Variants in PLEKHA7 observed in about 807,000 individuals in gnomAD.
PLEKHA7 encodes pleckstrin homology domain containing A7.
A neutral mutation model predicts 170.0 loss-of-function variants in PLEKHA7; 104 were observed. The ratio of observed to expected loss-of-function variants is 0.61; its 90% CI spans 0.52 to 0.72. The LOEUF is 0.72. PLEKHA7 is among the 30% of genes least tolerant of loss of function. The pLI is 0.00. For missense variants in PLEKHA7, 1,615 were observed against 1,671.7 expected (o/e 0.97, Z 0.59); for synonymous variants, 648 against 660.8 (o/e 0.98, Z 0.30).
At chr11:16,899,281 G>C (rs1857180221) in intron 3 of PLEKHA7, among the ~76,000 whole-genome samples, 1 of 152,218 alleles carries the variant, frequency 6.6e-6, no homozygotes, top group Non-Finnish European at 1.5e-5. Context: ...CGGATCACCT[G>C]AGGTCGGGAG....
chr11:16,970,663 T>C (rs956950317), intron 3 of PLEKHA7, among the ~76,000 whole-genome samples: 1 of 151,416 alleles, frequency 6.6e-6, no homozygotes, highest in African/African-American at 2.4e-5. Flanking sequence ...CGAGACTCCA[T>C]CTCAAAAAAA....
intron 3 of PLEKHA7, among the ~76,000 whole-genome samples, chr11:16,942,607 G>C (rs1860767081): frequency 6.6e-6 from 1 of 152,240 alleles, no homozygotes; most frequent in Non-Finnish European, 1.5e-5. Flanking sequence ...TCGGGGAAGA[G>C]AGTGAAGAAG....
Position 16,794,665 on chromosome 11 carries a change from T to A in PLEKHA7, c.2568A>T (p.Ser856=). The change falls in exon 19 of 27, where the codon TCA becomes TCT. Residue 856 remains serine, a synonymous_variant. Coordinates refer to ENST00000531066, the MANE Select transcript of PLEKHA7 (RefSeq NM_001329630.2). ...GTGGGGGCGGCTTGCTCTCAGAAGT[T>A]GAGAGTGAAGGCACAGGCGGGTGAG... ...LFPHPPVPSL[S]TSESKPPPQP... 2 of 1,614,018 alleles carry A rather than the reference T, an allele frequency of 1.2e-6. No individual in the cohort carries two copies.
chr11:16,887,566 G>A (rs572557067), intron 3 of PLEKHA7, among the ~76,000 whole-genome samples: 211 of 152,326 alleles, frequency 1.4e-3, no homozygotes, highest in African/African-American at 4.7e-3. Flanking sequence ...ACTGGCTTTC[G>A]TATTTTTTTG....
chr11:16,974,057 T>C (rs1352256326), intron 3 of PLEKHA7, among the ~76,000 whole-genome samples: 2 of 152,224 alleles, frequency 1.3e-5, no homozygotes, highest in African/African-American at 2.4e-5. Flanking sequence ...TTATTTGTTT[T>C]AAACTTTTCA....
intron 20 of PLEKHA7, 34 bp from the exon 21 acceptor site, chr11:16,790,949 A>G (rs760320287): frequency 1.5e-5 from 25 of 1,613,230 alleles, no homozygotes; most frequent in Middle Eastern, 3.3e-4. Flanking sequence ...GTGACCTGCC[A>G]GTGTCACACC....
At chr11:16,924,937 C>T (rs551551485) in intron 3 of PLEKHA7, among the ~76,000 whole-genome samples, 31 of 152,250 alleles carry the variant, frequency 2.0e-4, no homozygotes, top group Non-Finnish European at 3.8e-4. Flanking sequence ...GCGCCTGGAA[C>T]AAAGCCTCTG....
rs10525520 is a variant in PLEKHA7, at chr11:16,833,981, T to TTATATATA, written c.873-7399_873-7392dup. Among the ~76,000 whole-genome samples the TTATATATA allele has an allele frequency of 6.6e-4, 100 of 151,282 alleles. 1 individual carries two copies. Among genetic ancestry groups the TTATATATA allele is most frequent in the African/African-American group, 2.2e-3 (90 of 41,218 alleles). ...GGTGGATCACCTGAGCTCAGGAGTT[T>TTATATATA]TATATATAGATATATGTTTTTTGTT... is the stretch of plus-strand genomic sequence containing the variant. On this transcript the variant is annotated intron_variant, in intron 9 of 26. Transcript: ENST00000531066.
At position 16,794,893 on chromosome 11, in the gene PLEKHA7, G is replaced by A. The variant is rs754674789; in HGVS notation, c.2518+17C>T. 5.7e-5 allele frequency: 90 copies of A among 1,587,352 alleles called. No homozygotes were observed. The highest frequency in any genetic ancestry group is 2.8e-4 in the Admixed American group (17 of 59,926). On this transcript the variant is annotated intron_variant, in intron 18 of 26. Coordinates refer to ENST00000531066, the MANE Select transcript of PLEKHA7 (RefSeq NM_001329630.2). ...CCCCAATCAGATCCCCCACATCCAG[G>A]AAGATGAACATCTCACCCGGATTTT... is the stretch of plus-strand genomic sequence containing the variant.
Position 16,841,710 on chromosome 11 carries a change from C to T in PLEKHA7, c.709G>A (p.Gly237Arg). 1 of 1,613,948 alleles carries T rather than the reference C, an allele frequency of 6.2e-7. No homozygotes were observed. The highest frequency in any genetic ancestry group is 8.5e-7 in the Non-Finnish European group (1 of 1,179,960). The change falls in exon 9 of 27, where the codon GGG (glycine) becomes AGG (arginine). Residue 237 changes from glycine to arginine, a missense_variant. Gly to Arg is a moderately radical substitution (Grantham distance 125). Transcript: ENST00000531066. ...CTGTTATAGATGAGCGCTCGCATCC[C>T]CGTGTGCACAGCCTGTAGCATGAAG... Reference protein sequence around the residue: ...RKYSFKAVHTGMRALIYNSST... With the variant: ...RKYSFKAVHTRMRALIYNSST...
intron 11 of PLEKHA7, 26 bp from the exon 12 acceptor site, chr11:16,816,290 C>T: frequency 6.4e-7 from 1 of 1,569,240 alleles, no homozygotes; most frequent in Non-Finnish European, 8.8e-7. Flanking sequence ...CAAGAAGTCA[C>T]ACTGGAGCCC....
chr11:16,927,038 T>C (rs970440241), intron 3 of PLEKHA7, among the ~76,000 whole-genome samples: 6 of 147,828 alleles, frequency 4.1e-5, no homozygotes, highest in Non-Finnish European at 7.4e-5. Context: ...TCAGGCGTGG[T>C]AGCGCTAGCC....
chr11:16,790,077 C>A, intron 21 of PLEKHA7, 199 bp from the exon 22 acceptor site: 1 of 582,164 alleles, frequency 1.7e-6, no homozygotes, highest in Non-Finnish European at 3.1e-6. Context: ...GACCTTTGTC[C>A]CTGATGGGGG....
At chr11:16,968,851 C>T in intron 3 of PLEKHA7, among the ~76,000 whole-genome samples, 1 of 152,102 alleles carries the variant, frequency 6.6e-6, no homozygotes, top group African/African-American at 2.4e-5. Context: ...ACGCTAGTAC[C>T]TGACAGCCTC....
At chr11:16,917,821 T>C (rs560005103) in intron 3 of PLEKHA7, among the ~76,000 whole-genome samples, 2 of 152,250 alleles carry the variant, frequency 1.3e-5, no homozygotes, top group Non-Finnish European at 2.9e-5. Context: ...ACATGGCAGA[T>C]GCACAGTGAC....
chr11:16,884,849 C>G (rs1188615147), intron 3 of PLEKHA7, among the ~76,000 whole-genome samples: 10 of 152,070 alleles, frequency 6.6e-5, no homozygotes, highest in Non-Finnish European at 1.5e-5. Context: ...AATTTTTTTA[C>G]AGTAAAGAAA....
At chr11:16,858,864 C>A (rs1853695630) in intron 4 of PLEKHA7, among the ~76,000 whole-genome samples, 1 of 152,118 alleles carries the variant, frequency 6.6e-6, no homozygotes, top group Non-Finnish European at 1.5e-5. Flanking sequence ...TAACTTGACA[C>A]CCCCCAAACC....
At chr11:16,787,300 C>T in intron 23 of PLEKHA7, 6 of 907,924 alleles carry the variant, frequency 6.6e-6, no homozygotes, top group Non-Finnish European at 7.9e-6. Context: ...CATCCATCCA[C>T]CTCAAAGCCC....
At chr11:16,971,592 G>C (rs549985012) in intron 3 of PLEKHA7, among the ~76,000 whole-genome samples, 1 of 152,186 alleles carries the variant, frequency 6.6e-6, no homozygotes, top group Non-Finnish European at 1.5e-5. Flanking sequence ...ACAGGTGCCA[G>C]GGACATATCC....
Sources: gnomAD v4.1 joint callset for allele counts (sites outside exome capture counted in the v4.1 genomes callset) on GRCh38, gnomAD v4.1.1 for gene constraint, MANE v1.5 for transcripts, NCBI Gene and HGNC (gene_info 2026-07-23, HGNC 2026-07-21) for gene names.